The following RDX variants were observed in gnomAD, a reference collection of about 807,000 sequenced individuals.
The protein encoded by RDX is radixin.
A neutral mutation model predicts 83.7 loss-of-function variants in RDX; 32 were observed. That is an observed-to-expected ratio of 0.38 (90% CI 0.29 to 0.51). The LOEUF (loss-of-function observed/expected upper bound fraction) is 0.51, where lower values mean the gene tolerates loss of function less well. Ranked by LOEUF, RDX falls within the 20% of genes least tolerant of loss-of-function variation. The pLI is 0.87. For missense variants in RDX, 600 were observed against 689.9 expected (o/e 0.87, Z 1.46); for synonymous variants, 229 against 222.7 (o/e 1.03, Z -0.25).
rs773513423 is a variant in RDX at position 110,236,211 on chromosome 11, T to A, written c.1252-20A>T. The A allele has an allele frequency of 2.7e-5, 42 of 1,572,828 alleles. 2 individuals are homozygous for A. The South Asian group carries it at 4.3e-4, about 16-fold the overall frequency. On this transcript the variant is annotated intron_variant, in intron 11 of 13. Coordinates refer to ENST00000645495, the MANE Select transcript of RDX (RefSeq NM_002906.4). ...TGCTGCCTAAAGTAAACAATATAAT[T>A]CCAAAATTAAAATAACATATTTTGA...
intron 14 of RDX, among the ~76,000 whole-genome samples, chr11:110,220,274 C>G (rs1026153877): frequency 2.0e-5 from 3 of 152,124 alleles, no homozygotes; most frequent in Non-Finnish European, 2.9e-5. Context: ...ACAGAAGTTA[C>G]TATTTATTAA....
At chr11:110,239,911 G>A (rs924218116) in intron 10 of RDX, among the ~76,000 whole-genome samples, 3 of 150,582 alleles carry the variant, frequency 2.0e-5, no homozygotes, top group Non-Finnish European at 4.4e-5. Context: ...CTCATACACT[G>A]TTGGTGGGAA....
intron 1 of RDX, among the ~76,000 whole-genome samples, chr11:110,284,698 T>G (rs1860909862): frequency 6.6e-6 from 1 of 152,010 alleles, no homozygotes; most frequent in East Asian, 1.9e-4. Flanking sequence ...TTTTTTTTTG[T>G]ATTTTTAGTA....
At chr11:110,218,305 C>G (rs1438604162) in intron 14 of RDX, among the ~76,000 whole-genome samples, 1 of 152,166 alleles carries the variant, frequency 6.6e-6, no homozygotes, top group Non-Finnish European at 1.5e-5. Flanking sequence ...AGAAATTGCT[C>G]TTTTCAATGA....
intron 14 of RDX, among the ~76,000 whole-genome samples, chr11:110,217,865 G>A (rs1194925964): frequency 1.3e-5 from 2 of 151,852 alleles, no homozygotes; most frequent in African/African-American, 2.4e-5. Flanking sequence ...CTTGTTACTC[G>A]TCTCATTGTC....
intron 14 of RDX, among the ~76,000 whole-genome samples, chr11:110,200,064 T>G (rs951330144): frequency 6.6e-6 from 1 of 152,226 alleles, no homozygotes; most frequent in Non-Finnish European, 1.5e-5. Flanking sequence ...CAGTAATGTG[T>G]TCTACCAGAT....
intron 2 of RDX, among the ~76,000 whole-genome samples, chr11:110,276,246 T>G (rs11213338): frequency 0.38 from 57,495 of 151,646 alleles, 11,015 homozygotes; most frequent in East Asian, 0.51. Context: ...TAATACAGGG[T>G]TTTTTTTTAA....
chr11:110,264,743 A>G, intron 4 of RDX, 36 bp downstream of exon 4: 1 of 1,425,046 alleles, frequency 7.0e-7, no homozygotes, highest in Non-Finnish European at 9.8e-7. Context: ...TCAACTTAAC[A>G]TAATTATTAG....
At chr11:110,296,433 G>C (rs1420254822) in intron 1 of RDX, 34 bp downstream of exon 1, 1 of 151,558 alleles carries the variant, frequency 6.6e-6, no homozygotes, top group Non-Finnish European at 1.5e-5. Context: ...AACCGGGAGC[G>C]GGGAGTGGGG....
At chr11:110,220,335 C>A (rs1187399343) in intron 14 of RDX, among the ~76,000 whole-genome samples, 1 of 152,168 alleles carries the variant, frequency 6.6e-6, no homozygotes, top group African/African-American at 2.4e-5. Flanking sequence ...TTTATTATTA[C>A]AATCAACACT....
In RDX at chr11:110,279,545, A is replaced by C. The variant is rs1860666673; in HGVS notation, c.12+136T>G. 1.1e-5 allele frequency: 7 copies of C among 659,002 alleles called. No individual in the cohort carries two copies. In the South Asian group the frequency reaches 1.3e-4, roughly 12 times the overall value. The allele number at this position is 659,002 out of a possible 1,614,324, so 40.8% of individuals were successfully genotyped here. ...TGTTTCTAATTAATTTGGCCACATT[A>C]ATCTAAAGAGAAATAACAGTAGTAT... is the stretch of plus-strand genomic sequence containing the variant. On this transcript the variant is annotated intron_variant, in intron 2 of 13. Transcript: ENST00000645495.
chr11:110,283,189 T>C (rs1860835416), intron 1 of RDX, among the ~76,000 whole-genome samples: 1 of 152,222 alleles, frequency 6.6e-6, no homozygotes, highest in Non-Finnish European at 1.5e-5. Context: ...AGTCTCGCTC[T>C]GTCACCCAGG....
intron 1 of RDX, among the ~76,000 whole-genome samples, chr11:110,290,866 T>C (rs911084437): frequency 6.6e-6 from 1 of 152,262 alleles, no homozygotes; most frequent in Non-Finnish European, 1.5e-5. Flanking sequence ...GTTTAGCCCA[T>C]GGACCACAAT....
chr11:110,249,625 C>T (rs1369586911), intron 9 of RDX, among the ~76,000 whole-genome samples: 1 of 152,092 alleles, frequency 6.6e-6, no homozygotes, highest in Non-Finnish European at 1.5e-5. Flanking sequence ...TGGTGGCTCA[C>T]CACATTGTGA....
intron 10 of RDX, among the ~76,000 whole-genome samples, chr11:110,247,117 A>G (rs1859144248): frequency 6.6e-6 from 1 of 152,212 alleles, no homozygotes; most frequent in Admixed American, 6.5e-5. Flanking sequence ...AATCTAGTAT[A>G]TCCTTTCTAT....
chr11:110,232,087 T>C (rs936743832), intron 13 of RDX, 54 bp from the exon 14 acceptor site: 1 of 1,399,736 alleles, frequency 7.1e-7, no homozygotes. Flanking sequence ...TTTAAAAAAA[T>C]TTATGAAAAT....
chr11:110,252,141 AAACTGAAT>A (rs1565315720), intron 9 of RDX, among the ~76,000 whole-genome samples: 1 of 152,198 alleles, frequency 6.6e-6, no homozygotes, highest in African/African-American at 2.4e-5. Flanking sequence ...CTAGGCATTC[AAACTGAAT>A]AAAAGTTACT....
intron 14 of RDX, among the ~76,000 whole-genome samples, chr11:110,211,720 G>T (rs1335641009): frequency 1.4e-5 from 2 of 145,706 alleles, no homozygotes; most frequent in African/African-American, 2.5e-5. Flanking sequence ...TGAACAACCT[G>T]CTCCTGAATG....
rs982845265 is a variant in RDX at position 110,230,412 on chromosome 11, A to G, written c.*1457T>C. ...ATAAACTAAAATTATAATTTCTAAAATAAGAATTAACAAACCAAATTTAAG... is the reference window on the plus strand; with the variant it reads ...ATAAACTAAAATTATAATTTCTAAAGTAAGAATTAACAAACCAAATTTAAG... On this transcript the variant is annotated 3_prime_UTR_variant, in exon 14 of 14. Transcript: ENST00000645495. 2 of 152,184 alleles carry G rather than the reference A, an allele frequency of 1.3e-5. No homozygotes were observed. Among genetic ancestry groups the G allele is most frequent in the African/African-American group, 4.8e-5 (2 of 41,458 alleles). The allele number at this position is 152,184 out of a possible 1,614,324, so 9.4% of individuals were successfully genotyped here.
Sources: gnomAD v4.1 joint callset for allele counts (sites outside exome capture counted in the v4.1 genomes callset) on GRCh38, gnomAD v4.1.1 for gene constraint, MANE v1.5 for transcripts, NCBI Gene and HGNC (gene_info 2026-07-23, HGNC 2026-07-21) for gene names.